The following SLC2A9 variants were observed in gnomAD, a reference collection of about 807,000 sequenced individuals.
The protein encoded by SLC2A9 is solute carrier family 2, facilitated glucose transporter member 9.
A neutral mutation model predicts 50.6 loss-of-function variants in SLC2A9; 39 were observed. The observed-to-expected ratio is 0.77, with a 90% CI of 0.60 to 1.01. The LOEUF (loss-of-function observed/expected upper bound fraction) is 1.01. Ranked by LOEUF, SLC2A9 falls within the 50% of genes least tolerant of loss-of-function variation. The pLI is 0.00. For synonymous variants in SLC2A9, 324 were observed against 276.9 expected (o/e 1.17, Z -1.69); for missense variants, 686 against 677.6 (o/e 1.01, Z -0.14).
intron 10 of SLC2A9, among the ~76,000 whole-genome samples, chr4:9,867,931 G>A (rs527597054): frequency 2.6e-5 from 4 of 151,684 alleles, no homozygotes; most frequent in South Asian, 2.1e-4. Flanking sequence ...CCCCCCACCC[G>A]AGGCCCTGGA....
chr4:9,843,750 A>G (rs1728472848), intron 10 of SLC2A9, among the ~76,000 whole-genome samples: 1 of 152,212 alleles, frequency 6.6e-6, no homozygotes, highest in Non-Finnish European at 1.5e-5. Flanking sequence ...ATGAACACTC[A>G]ATAGCTTTTA....
At chr4:9,947,516 C>T (rs550430057) in intron 5 of SLC2A9, among the ~76,000 whole-genome samples, 6 of 152,258 alleles carry the variant, frequency 3.9e-5, no homozygotes, top group African/African-American at 7.2e-5. Flanking sequence ...TATTTTATTT[C>T]GCTTTCATAT....
chr4:10,018,407 T>C (rs988935742), intron 2 of SLC2A9, among the ~76,000 whole-genome samples: 2 of 152,080 alleles, frequency 1.3e-5, no homozygotes, highest in African/African-American at 4.8e-5. Flanking sequence ...TCGGGTGTGG[T>C]GGTGCATGCC....
At chr4:9,945,508 T>G (rs1748984009) in intron 5 of SLC2A9, among the ~76,000 whole-genome samples, 1 of 152,152 alleles carries the variant, frequency 6.6e-6, no homozygotes, top group Non-Finnish European at 1.5e-5. Flanking sequence ...ACAGAAATAT[T>G]AACTGCAGCA....
chr4:9,942,043 C>G lies in SLC2A9; in HGVS notation c.684G>C (p.Glu228Asp). 6.2e-7 allele frequency: 1 copy of G among 1,614,096 alleles called. No individual in the cohort carries two copies. The change falls in exon 6 of 12, where the codon GAG becomes GAC. Residue 228 changes from glutamate (E) to aspartate (D), a missense_variant and splice_region_variant. Glu to Asp is a conservative substitution (Grantham distance 45, BLOSUM62 2). Transcript: ENST00000264784. ...CTCCAAACAGGTATGGCCAGGTACT[C>G]TCCTGTGGGAGAAGGAGATGCTGCT... ...LLGLPELLGKESTWPYLFGVI... is the reference protein window; with the variant it reads ...LLGLPELLGKDSTWPYLFGVI...
At chr4:9,980,050 C>G (rs1378412391) in intron 5 of SLC2A9, among the ~76,000 whole-genome samples, 2 of 151,732 alleles carry the variant, frequency 1.3e-5, no homozygotes, top group Non-Finnish European at 2.9e-5. Flanking sequence ...TTTCTCCCTG[C>G]TAAGGCCACA....
chr4:9,804,944 G>A lies in SLC2A9; in HGVS notation n.421-5703C>T, dbSNP rs1368393514. ...ACAGCCCTGTTGTTAGGGACAGCAGGAGGCTTCTATCCTCCCTAGAGCCAG... is the reference window on the plus strand; with the variant it reads ...ACAGCCCTGTTGTTAGGGACAGCAGAAGGCTTCTATCCTCCCTAGAGCCAG... On this transcript the variant is annotated intron_variant and non_coding_transcript_variant, in intron 3 of 3. Transcript: ENST00000503280. 5.9e-5 allele frequency among the ~76,000 whole-genome samples: 9 copies of A among 152,276 alleles called. No homozygotes were observed. The East Asian group carries it at 1.2e-3, about 20-fold the overall frequency.
chr4:9,976,628 T>C lies in SLC2A9; in HGVS notation c.681+3964A>G, dbSNP rs1376527702. On this transcript the variant is annotated intron_variant, in intron 5 of 11. Coordinates refer to ENST00000264784, the MANE Select transcript of SLC2A9 (RefSeq NM_020041.3). ...ATCTTCCTGGCCAGGGCCAAGACTG[T>C]CTGGAAACTCCCATCTGATGGGAAG... Among the ~76,000 whole-genome samples the C allele has an allele frequency of 5.9e-5, 9 of 152,340 alleles. No homozygotes were observed. The East Asian group carries it at 1.7e-3, about 29-fold the overall frequency.
chr4:9,996,470 C>A (rs1758684684), intron 3 of SLC2A9, among the ~76,000 whole-genome samples: 1 of 152,324 alleles, frequency 6.6e-6, no homozygotes, highest in East Asian at 1.9e-4. Context: ...TGCACCTCTG[C>A]AGCAGGATGG....
intron 10 of SLC2A9, chr4:9,879,354 G>A (rs1033852361): frequency 1.4e-4 from 72 of 508,310 alleles, no homozygotes; most frequent in East Asian, 1.1e-3. Flanking sequence ...ACCATGAAGC[G>A]TGTGTGTGTG....
chr4:9,774,336 G>T (rs1342298223), intron 1 of SLC2A9, among the ~76,000 whole-genome samples: 1 of 152,178 alleles, frequency 6.6e-6, no homozygotes, highest in African/African-American at 2.4e-5. Flanking sequence ...CAGGGAGAAT[G>T]TTTAGTGTTC....
chr4:9,982,857 T>TTTTA (rs1202048425), intron 4 of SLC2A9, among the ~76,000 whole-genome samples: 3 of 152,208 alleles, frequency 2.0e-5, no homozygotes, highest in Non-Finnish European at 4.4e-5. Context: ...ACATCGTTTA[T>TTTTA]TTTATTTATT....
upstream of SLC2A9, among the ~76,000 whole-genome samples, chr4:10,022,961 G>C (rs1291375355): frequency 6.6e-6 from 1 of 152,188 alleles, no homozygotes; most frequent in Non-Finnish European, 1.5e-5. Flanking sequence ...CCCGGGAGAA[G>C]TGGCTGTTTC....
At chr4:9,884,362 C>T (rs893889477) in intron 10 of SLC2A9, among the ~76,000 whole-genome samples, 2 of 152,124 alleles carry the variant, frequency 1.3e-5, no homozygotes, top group African/African-American at 4.8e-5. Context: ...CCTAAAAATT[C>T]TGAGCTCAAG....
downstream of SLC2A9, among the ~76,000 whole-genome samples, chr4:9,825,767 A>T (rs1466946131): frequency 2.0e-5 from 3 of 152,182 alleles, no homozygotes; most frequent in African/African-American, 4.8e-5. Flanking sequence ...TTTGGGAAAG[A>T]CAAAATCTGC....
chr4:9,806,231 C>T lies in SLC2A9; in HGVS notation n.421-6990G>A, dbSNP rs190347592. On this transcript the variant is annotated intron_variant and non_coding_transcript_variant, in intron 3 of 3. Coordinates refer to the SLC2A9 transcript ENST00000503280. ...GCTCGTGATGGCCTTGACACCCACA[C>T]TGAAAGTTGTCGGTTTACCGGAATG... 1.6e-3 allele frequency among the ~76,000 whole-genome samples: 247 copies of T among 152,352 alleles called. 1 individual carries two copies. The highest frequency in any genetic ancestry group is 5.8e-3 in the African/African-American group (240 of 41,590).
chr4:9,772,718 A>C (rs1476774220), intron 1 of SLC2A9, among the ~76,000 whole-genome samples: 2 of 152,234 alleles, frequency 1.3e-5, no homozygotes, highest in Non-Finnish European at 2.9e-5. Flanking sequence ...TGCTGTAAAA[A>C]AAACTTGACC....
chr4:9,773,744 A>G (rs1206096627), intron 1 of SLC2A9, among the ~76,000 whole-genome samples: 1 of 152,150 alleles, frequency 6.6e-6, no homozygotes, highest in African/African-American at 2.4e-5. Flanking sequence ...TCAACGTCAG[A>G]GAGAGATCTT....
At chr4:9,933,329 C>G (rs565370641) in intron 6 of SLC2A9, among the ~76,000 whole-genome samples, 45 of 152,292 alleles carry the variant, frequency 3.0e-4, no homozygotes, top group African/African-American at 1.1e-3. Flanking sequence ...GGCCACTGGG[C>G]AGGCCAGTGG....
Sources: gnomAD v4.1 joint callset for allele counts (sites outside exome capture counted in the v4.1 genomes callset) on GRCh38, gnomAD v4.1.1 for gene constraint, MANE v1.5 for transcripts, NCBI Gene and HGNC (gene_info 2026-07-23, HGNC 2026-07-21) for gene names.